The following CATSPERB variants were observed in gnomAD, a reference collection of about 807,000 sequenced individuals.
CATSPERB encodes cation channel sperm-associated auxiliary subunit beta.
CATSPERB carries 93 observed loss-of-function variants against 128.3 expected under a neutral mutation model. The observed-to-expected ratio is 0.72, with a 90% confidence interval of 0.61 to 0.86. The LOEUF is 0.86. Among genes scored for constraint, CATSPERB ranks in the 40% least tolerant of loss-of-function variants. CATSPERB has a pLI of 0.00. For missense variants in CATSPERB, 1,153 were observed against 1,329.5 expected, an observed-to-expected ratio of 0.87 and a Z score of 2.06; for synonymous variants, 381 against 448.8, an observed-to-expected ratio of 0.85 and a Z score of 1.91.
intron 22 of CATSPERB, among the ~76,000 whole-genome samples, chr14:91,607,230 G>A (rs991606954): frequency 6.6e-6 from 1 of 152,098 alleles, no homozygotes; most frequent in Non-Finnish European, 1.5e-5. Context: ...TTCTCATGGG[G>A]TCAGAAAGAC....
rs139957979 is a variant in CATSPERB at position 91,661,761 on chromosome 14, C to A, written c.1288-1780G>T. ...CTGGTCTGAAACTCCCGGGCTCAAGCGATTCTCCTGCCTTGGCCTCCCGAA... is the reference window on the plus strand; with the variant it reads ...CTGGTCTGAAACTCCCGGGCTCAAGAGATTCTCCTGCCTTGGCCTCCCGAA... On this transcript the variant is annotated intron_variant, in intron 14 of 26. Transcript: ENST00000256343. Among the ~76,000 whole-genome samples, 496 of 151,866 alleles carry A rather than the reference C, an allele frequency of 3.3e-3. 2 individuals are homozygous for A. The highest frequency in any genetic ancestry group is 0.012 in the African/African-American group (477 of 41,430).
chr14:91,681,969 C>T (rs1400052408), intron 11 of CATSPERB, among the ~76,000 whole-genome samples: 4 of 152,240 alleles, frequency 2.6e-5, no homozygotes, highest in Non-Finnish European at 5.9e-5. Flanking sequence ...CTTTTCTTAA[C>T]ATGAACTTAA....
intron 5 of CATSPERB, among the ~76,000 whole-genome samples, chr14:91,711,723 A>C (rs977024721): frequency 1.3e-5 from 2 of 152,244 alleles, no homozygotes; most frequent in Non-Finnish European, 2.9e-5. Context: ...ACATATGACA[A>C]AGGCATGATA....
At chr14:91,731,208 T>C (rs1345172889) in intron 1 of CATSPERB, among the ~76,000 whole-genome samples, 1 of 152,184 alleles carries the variant, frequency 6.6e-6, no homozygotes, top group Non-Finnish European at 1.5e-5. Flanking sequence ...AAATTCTGGT[T>C]TTAATGTCAG....
At chr14:91,716,348 T>C (rs1216437162) in intron 5 of CATSPERB, among the ~76,000 whole-genome samples, 1 of 152,166 alleles carries the variant, frequency 6.6e-6, no homozygotes, top group African/African-American at 2.4e-5. Flanking sequence ...CCCAGCACTT[T>C]GGGAGGCTGA....
At chr14:91,661,470 A>C (rs1398479697) in intron 14 of CATSPERB, among the ~76,000 whole-genome samples, 1 of 150,582 alleles carries the variant, frequency 6.6e-6, no homozygotes, top group Non-Finnish European at 1.5e-5. Context: ...CTAACGTTAC[A>C]GTGTTATCTT....
At chr14:91,693,343 A>G (rs777446034) in intron 8 of CATSPERB, 41 bp downstream of exon 8, 40 of 1,561,294 alleles carry the variant, frequency 2.6e-5, no homozygotes, top group Middle Eastern at 1.7e-4. Flanking sequence ...ATATTGATGT[A>G]AGTAAAATGC....
chr14:91,587,392 C>A (rs1893321891), intron 25 of CATSPERB, 116 bp from the exon 26 acceptor site: 1 of 566,628 alleles, frequency 1.8e-6, no homozygotes. Context: ...AAAAGATTCC[C>A]ATCCTCTTCC....
chr14:91,726,148 G>T (rs1483337855), intron 2 of CATSPERB, among the ~76,000 whole-genome samples: 1 of 152,170 alleles, frequency 6.6e-6, no homozygotes, highest in Non-Finnish European at 1.5e-5. Context: ...AAGTCCATGT[G>T]CAAACTGATT....
chr14:91,705,132 G>A (rs570383424), intron 6 of CATSPERB, among the ~76,000 whole-genome samples: 1 of 152,272 alleles, frequency 6.6e-6, no homozygotes, highest in African/African-American at 2.4e-5. Context: ...ATCCAGAGTA[G>A]CAGTGGAGAA....
chr14:91,606,809 T>G (rs1218879779), intron 22 of CATSPERB, among the ~76,000 whole-genome samples: 3 of 152,158 alleles, frequency 2.0e-5, no homozygotes, highest in Non-Finnish European at 4.4e-5. Context: ...ACTTGTTGGA[T>G]GCATAAAAGA....
At chr14:91,679,717 C>T (rs755002486) in intron 11 of CATSPERB, among the ~76,000 whole-genome samples, 6 of 152,172 alleles carry the variant, frequency 3.9e-5, no homozygotes, top group Non-Finnish European at 8.8e-5. Context: ...CTTTCACAAA[C>T]GTCCTTGAAA....
chr14:91,731,234 A>G (rs1896205032), intron 1 of CATSPERB, among the ~76,000 whole-genome samples: 1 of 152,186 alleles, frequency 6.6e-6, no homozygotes, highest in African/African-American at 2.4e-5. Flanking sequence ...TTGTTCTGCA[A>G]GCTTTCTTAT....
chr14:91,639,052 A>G, intron 16 of CATSPERB, 44 bp downstream of exon 16: 1 of 1,525,562 alleles, frequency 6.6e-7, no homozygotes, highest in South Asian at 1.2e-5. Flanking sequence ...TGTGGCATCT[A>G]TTCTTAAAAT....
chr14:91,601,378 T>C (rs1893605469), intron 22 of CATSPERB, among the ~76,000 whole-genome samples: 2 of 152,238 alleles, frequency 1.3e-5, no homozygotes, highest in Admixed American at 1.3e-4. Context: ...AACATGTTTC[T>C]TAAAATTGTG....
At chr14:91,717,100 A>C (rs1443298491) in intron 5 of CATSPERB, among the ~76,000 whole-genome samples, 1 of 152,356 alleles carries the variant, frequency 6.6e-6, no homozygotes, top group East Asian at 1.9e-4. Flanking sequence ...TGAATTAGCT[A>C]AGTGAAAGAA....
intron 17 of CATSPERB, among the ~76,000 whole-genome samples, chr14:91,634,845 T>TCTGTCC (rs1894343982): frequency 6.7e-6 from 1 of 149,576 alleles, no homozygotes; most frequent in Admixed American, 6.7e-5. Context: ...GGTATAAGAA[T>TCTGTCC]AGAGTCCACC....
At position 91,580,846 on chromosome 14, in the gene CATSPERB, T is replaced by C; in HGVS notation, c.*43A>G. 3.4e-6 allele frequency: 5 copies of C among 1,467,930 alleles called. No homozygotes were observed. Among genetic ancestry groups the C allele is most frequent in the Non-Finnish European group, 4.7e-6 (5 of 1,054,306 alleles). The allele number at this position is 1,467,930 out of a possible 1,614,324, so 90.9% of individuals were successfully genotyped here. On this transcript the variant is annotated 3_prime_UTR_variant, in exon 27 of 27. Coordinates refer to ENST00000256343, the MANE Select transcript of CATSPERB (RefSeq NM_024764.4). ...TAAATATATTGTTCTAGGAATTGGC[T>C]GATAAAACTAGAAAATAAAGAGAAA...
intron 26 of CATSPERB, 38 bp from the exon 27 acceptor site, chr14:91,581,145 T>A: frequency 6.5e-7 from 1 of 1,531,960 alleles, no homozygotes; most frequent in Non-Finnish European, 9.0e-7. Flanking sequence ...GCTTTCTGAA[T>A]TTAGCAATGC....
Sources: gnomAD v4.1 joint callset for allele counts (sites outside exome capture counted in the v4.1 genomes callset) on GRCh38, gnomAD v4.1.1 for gene constraint, MANE v1.5 for transcripts, NCBI Gene and HGNC (gene_info 2026-07-23, HGNC 2026-07-21) for gene names.